The following MIPOL1 variants were observed in gnomAD, a reference collection of about 807,000 sequenced individuals.
MIPOL1 encodes mirror-image polydactyly gene 1 protein.
MIPOL1 carries 57 observed loss-of-function variants against 60.9 expected under a neutral mutation model. That is an observed-to-expected ratio of 0.94 (90% CI 0.76 to 1.17). The LOEUF (loss-of-function observed/expected upper bound fraction) is 1.17, where lower values mean the gene tolerates loss of function less well. MIPOL1 is among the 50% of genes most tolerant of loss of function. The probability of loss-of-function intolerance (pLI) is 0.00; values close to 1 mark genes in which losing one functional copy is unlikely to be tolerated. For missense variants in MIPOL1, 551 were observed against 511.6 expected (o/e 1.08, Z -0.74); for synonymous variants, 179 against 168.8 (o/e 1.06, Z -0.47).
intron 1 of MIPOL1, among the ~76,000 whole-genome samples, chr14:37,201,270 A>G (rs1258648195): frequency 6.6e-6 from 1 of 152,044 alleles, no homozygotes. Context: ...AACATACTTT[A>G]TTTGGTTTAC....
At chr14:37,294,583 C>G (rs2085440018) in intron 7 of MIPOL1, among the ~76,000 whole-genome samples, 1 of 151,980 alleles carries the variant, frequency 6.6e-6, no homozygotes, top group Admixed American at 6.6e-5. Context: ...GAATGGATAA[C>G]TAGAATAATC....
intron 1 of MIPOL1, among the ~76,000 whole-genome samples, chr14:37,204,890 G>A (rs1965839302): frequency 6.6e-6 from 1 of 152,092 alleles, no homozygotes; most frequent in African/African-American, 2.4e-5. Flanking sequence ...GGGAAAGTTT[G>A]GAACTTCCTG....
chr14:37,450,816 CT>C (rs1174811826), intron 11 of MIPOL1, among the ~76,000 whole-genome samples: 3 of 151,980 alleles, frequency 2.0e-5, no homozygotes, highest in East Asian at 1.9e-4. Flanking sequence ...GATTTCAAGT[CT>C]TTTTTATCAA....
chr14:37,231,489 C>T (rs1242621856), intron 1 of MIPOL1, among the ~76,000 whole-genome samples: 1 of 152,158 alleles, frequency 6.6e-6, no homozygotes, highest in African/African-American at 2.4e-5. Context: ...AACATACTGA[C>T]TGATTTCTAT....
chr14:37,499,987 A>G lies in MIPOL1; in HGVS notation c.1111A>G (p.Lys371Glu), dbSNP rs1463782311. 6.2e-7 allele frequency: 1 copy of G among 1,613,550 alleles called. No homozygotes were observed. The highest frequency in any genetic ancestry group is 1.3e-5 in the African/African-American group (1 of 74,922). Residue 371 changes from lysine (K) to glutamate (E), a missense_variant, in exon 12 of 13, where the codon AAA becomes GAA. By Grantham distance (56) the Lys-to-Glu change is moderately conservative. Coordinates refer to ENST00000684589, the MANE Select transcript of MIPOL1 (RefSeq NM_001388067.1). ...YTLSTYEEAL[K>E]NRENIVSITQ... ...CCTTAGTACATATGAAGAAGCTTTA[A>G]AAAACAGAGAGAACATTGTTTCCAT...
intron 9 of MIPOL1, among the ~76,000 whole-genome samples, chr14:37,331,974 C>T (rs1291590744): frequency 6.6e-6 from 1 of 152,004 alleles, no homozygotes; most frequent in African/African-American, 2.4e-5. Flanking sequence ...GATGTCTCTA[C>T]TAAAAATACA....
Position 37,213,369 on chromosome 14 carries a change from G to T in MIPOL1, c.-199+15265G>T, listed in dbSNP as rs112421663. 2.6e-3 allele frequency among the ~76,000 whole-genome samples: 396 copies of T among 152,170 alleles called. 2 individuals carry two copies. Among genetic ancestry groups the T allele is most frequent in the African/African-American group, 9.0e-3 (373 of 41,514 alleles). On this transcript the variant is annotated intron_variant, in intron 1 of 12. Transcript: ENST00000684589. ...TGTCAGATACATTTAACAAAGATATGGAAATAATTAAGGAGAGTCAAGCAG... is the reference window on the plus strand; with the variant it reads ...TGTCAGATACATTTAACAAAGATATTGAAATAATTAAGGAGAGTCAAGCAG...
intron 11 of MIPOL1, among the ~76,000 whole-genome samples, chr14:37,475,180 G>C (rs2094751755): frequency 6.6e-6 from 1 of 152,092 alleles, no homozygotes; most frequent in African/African-American, 2.4e-5. Flanking sequence ...GGCCAGGCTA[G>C]TCTTGAACTC....
intron 1 of MIPOL1, among the ~76,000 whole-genome samples, chr14:37,208,215 G>T (rs1025460014): frequency 7.9e-5 from 12 of 152,116 alleles, no homozygotes; most frequent in African/African-American, 2.7e-4. Context: ...AATAGTACTT[G>T]GAGAATGACT....
chr14:37,357,592 A>T (rs8012995), intron 9 of MIPOL1, among the ~76,000 whole-genome samples: 149,464 of 152,032 alleles, frequency 0.98, 73,516 homozygotes, highest in Middle Eastern at 1. Flanking sequence ...TGGTCTTTTT[A>T]AAAAAAATCA....
chr14:37,280,117 A>G (rs1461916367), intron 6 of MIPOL1, among the ~76,000 whole-genome samples: 3 of 152,086 alleles, frequency 2.0e-5, no homozygotes, highest in Non-Finnish European at 2.9e-5. Context: ...ATGACAGAAT[A>G]TCCCTTCTTT....
chr14:37,385,274 G>A (rs1438184423), intron 10 of MIPOL1, among the ~76,000 whole-genome samples: 4 of 152,060 alleles, frequency 2.6e-5, no homozygotes, highest in Non-Finnish European at 4.4e-5. Context: ...ACATTTAAAA[G>A]TAGTGAAAAA....
At chr14:37,252,516 C>G (rs2153365475) in intron 3 of MIPOL1, among the ~76,000 whole-genome samples, 1 of 151,898 alleles carries the variant, frequency 6.6e-6, no homozygotes, top group Admixed American at 6.6e-5. Context: ...AACACAGTAA[C>G]ACAAATTTTT....
chr14:37,209,699 G>C (rs1322713482), intron 1 of MIPOL1, among the ~76,000 whole-genome samples: 1 of 151,860 alleles, frequency 6.6e-6, no homozygotes, highest in Non-Finnish European at 1.5e-5. Flanking sequence ...ATATACACAT[G>C]GTTTTCGTTT....
At chr14:37,338,455 C>G (rs1170762214) in intron 9 of MIPOL1, among the ~76,000 whole-genome samples, 2 of 151,684 alleles carry the variant, frequency 1.3e-5, no homozygotes, top group East Asian at 3.9e-4. Flanking sequence ...GTCATCCAGG[C>G]TAGAATGCAG....
intron 11 of MIPOL1, among the ~76,000 whole-genome samples, chr14:37,444,081 T>C (rs890073770): frequency 2.0e-5 from 3 of 152,122 alleles, no homozygotes; most frequent in African/African-American, 7.2e-5. Context: ...ACTTGAACTT[T>C]CTGAAGGAAC....
intron 12 of MIPOL1, among the ~76,000 whole-genome samples, chr14:37,516,366 A>G (rs924064155): frequency 2.6e-5 from 4 of 152,224 alleles, no homozygotes; most frequent in Non-Finnish European, 5.9e-5. Context: ...TATGAAATAG[A>G]GGCCAAAATT....
In MIPOL1 at chr14:37,308,506, C is replaced by A. The variant is rs559878517; in HGVS notation, c.815C>A (p.Ala272Asp). The change falls in exon 9 of 13, where the codon GCT becomes GAT. Residue 272 changes from alanine (A) to aspartate (D), a missense_variant. Ala to Asp is a moderately radical substitution (Grantham distance 126). Coordinates refer to ENST00000684589, the MANE Select transcript of MIPOL1 (RefSeq NM_001388067.1). Reference sequence around the variant, plus strand: ...AGTGCACTAATAGAAGAACGGGATGCTGCCTTGTCTAAGGTAACTCTGCAT... The same window carrying A: ...AGTGCACTAATAGAAGAACGGGATGATGCCTTGTCTAAGGTAACTCTGCAT... Reference protein sequence around the residue: ...EMSALIEERDAALSKCKRLEQ... With the variant: ...EMSALIEERDDALSKCKRLEQ... 1.5e-5 allele frequency: 23 copies of A among 1,580,418 alleles called. No individual in the cohort carries two copies. Among genetic ancestry groups the A allele is most frequent in the Non-Finnish European group, 2.0e-5 (23 of 1,167,094 alleles).
At chr14:37,510,903 T>TGCC (rs1483588598) in intron 12 of MIPOL1, among the ~76,000 whole-genome samples, 2 of 152,086 alleles carry the variant, frequency 1.3e-5, no homozygotes, top group Non-Finnish European at 2.9e-5. Context: ...CTCCCCTCAC[T>TGCC]GCCACCACCA....
Sources: allele counts gnomAD v4.1 joint callset (sites outside exome capture counted in the v4.1 genomes callset), GRCh38; gene constraint gnomAD v4.1.1; transcripts MANE v1.5; gene names NCBI Gene and HGNC (gene_info 2026-07-23, HGNC 2026-07-21).